Variants in ANKS1B observed in about 807,000 individuals in gnomAD.
ANKS1B encodes the protein ankyrin repeat and sterile alpha motif domain-containing protein 1B.
ANKS1B carries 36 observed loss-of-function variants against 148.3 expected under a neutral mutation model. That is an observed-to-expected ratio of 0.24 (90% confidence interval 0.19 to 0.32). The LOEUF is 0.32. Ranked by LOEUF, ANKS1B falls within the 10% of genes least tolerant of loss-of-function variation. The pLI is 1.00. For synonymous variants in ANKS1B, 542 were observed against 560.8 expected (o/e 0.97, Z 0.47); for missense variants, 1,157 against 1,542.6 (o/e 0.75, Z 4.19).
chr12:98,901,494 A>C (rs368683127), intron 17 of ANKS1B, among the ~76,000 whole-genome samples: 2 of 152,238 alleles, frequency 1.3e-5, no homozygotes, highest in East Asian at 1.9e-4. Context: ...CAACCATGTG[A>C]GTAAGTTTCT....
At chr12:99,599,860 G>T (rs779235560) in intron 9 of ANKS1B, among the ~76,000 whole-genome samples, 4 of 150,816 alleles carry the variant, frequency 2.7e-5, no homozygotes, top group Non-Finnish European at 5.9e-5. Context: ...AAAGGATTTA[G>T]AACTTAAATG....
At chr12:99,225,268 C>G (rs2085723075) in intron 14 of ANKS1B, among the ~76,000 whole-genome samples, 1 of 151,990 alleles carries the variant, frequency 6.6e-6, no homozygotes, top group Non-Finnish European at 1.5e-5. Flanking sequence ...GTTTCTTTCT[C>G]TACACGCCTT....
At chr12:99,084,195 G>A (rs908925637) in intron 16 of ANKS1B, among the ~76,000 whole-genome samples, 10 of 152,176 alleles carry the variant, frequency 6.6e-5, no homozygotes, top group African/African-American at 2.4e-4. Flanking sequence ...GACCATGGAG[G>A]ATAAGTCTAT....
intron 1 of ANKS1B, among the ~76,000 whole-genome samples, chr12:99,852,389 T>G (rs2088042050): frequency 6.6e-6 from 1 of 152,220 alleles, no homozygotes; most frequent in African/African-American, 2.4e-5. Flanking sequence ...AGATACTATG[T>G]TAGAAGCTTT....
At chr12:98,891,430 G>A (rs761681125) in intron 17 of ANKS1B, among the ~76,000 whole-genome samples, 12 of 151,854 alleles carry the variant, frequency 7.9e-5, no homozygotes, top group Non-Finnish European at 1.3e-4. Context: ...ATCATCTCAT[G>A]ATTCCATGAA....
At chr12:98,956,900 A>T in intron 17 of ANKS1B, among the ~76,000 whole-genome samples, 1 of 152,114 alleles carries the variant, frequency 6.6e-6, no homozygotes, top group East Asian at 1.9e-4. Context: ...TCTCACTGCC[A>T]TGTCCTCCTT....
At chr12:98,907,005 CTGTGTGTGTGTGTGTGTGTG>C (rs59857138) in intron 17 of ANKS1B, among the ~76,000 whole-genome samples, 2 of 145,644 alleles carry the variant, frequency 1.4e-5, no homozygotes, top group African/African-American at 5.1e-5. Flanking sequence ...CATAGTTACT[CTGTGTGTGTGTGTGTGTGTG>C]TGTGTGTGTG....
At chr12:99,859,940 G>A (rs938782929) in intron 1 of ANKS1B, among the ~76,000 whole-genome samples, 4 of 152,120 alleles carry the variant, frequency 2.6e-5, no homozygotes, top group Admixed American at 1.3e-4. Flanking sequence ...GGGCCACCGC[G>A]CCCGGCCGAA....
intron 2 of ANKS1B, among the ~76,000 whole-genome samples, chr12:99,823,349 A>T (rs983113710): frequency 2.0e-5 from 3 of 152,198 alleles, no homozygotes; most frequent in Non-Finnish European, 4.4e-5. Context: ...ACAGTCACCC[A>T]GGCTGGAGTG....
At chr12:98,938,079 C>A (rs1288279307) in intron 17 of ANKS1B, among the ~76,000 whole-genome samples, 1 of 152,150 alleles carries the variant, frequency 6.6e-6, no homozygotes, top group Non-Finnish European at 1.5e-5. Context: ...GGTGGGGACA[C>A]AGAGCCAAAC....
chr12:99,591,489 T>C (rs1336241562), intron 9 of ANKS1B, among the ~76,000 whole-genome samples: 1 of 152,078 alleles, frequency 6.6e-6, no homozygotes, highest in African/African-American at 2.4e-5. Context: ...GAAGCTTACT[T>C]TTATACTGCA....
intron 8 of ANKS1B, among the ~76,000 whole-genome samples, chr12:99,679,742 C>T (rs1463997957): frequency 6.6e-6 from 1 of 152,124 alleles, no homozygotes; most frequent in Non-Finnish European, 1.5e-5. Flanking sequence ...CACAATAGAC[C>T]AACCATTGTA....
At chr12:98,952,095 A>G (rs1180099566) in intron 17 of ANKS1B, among the ~76,000 whole-genome samples, 1 of 152,256 alleles carries the variant, frequency 6.6e-6, no homozygotes, top group Non-Finnish European at 1.5e-5. Flanking sequence ...AGAACTGCAT[A>G]TAAACTGCAT....
chr12:99,244,433 A>C lies in ANKS1B; in HGVS notation c.2347-19T>G. 6.8e-7 allele frequency: 1 copy of C among 1,474,228 alleles called. No homozygotes were observed. Among genetic ancestry groups the C allele is most frequent in the Non-Finnish European group, 9.4e-7 (1 of 1,068,282 alleles). The allele number at this position is 1,474,228 out of a possible 1,614,324, so 91.3% of individuals were successfully genotyped here. A position where few individuals can be genotyped will look rare whatever the true frequency, so the allele number is the denominator to read the frequency against. ...TGTCAATCTGTAAGAAACAAAAACCATTTAAATGGATTGTTACATTCACTT... is the reference window on the plus strand; with the variant it reads ...TGTCAATCTGTAAGAAACAAAAACCCTTTAAATGGATTGTTACATTCACTT... On this transcript the variant is annotated intron_variant, in intron 13 of 26. Coordinates refer to ENST00000683438, the MANE Select transcript of ANKS1B (RefSeq NM_001352186.2).
At chr12:99,246,150 C>T in intron 13 of ANKS1B, 125 bp downstream of exon 13, 1 of 684,358 alleles carries the variant, frequency 1.5e-6, no homozygotes, top group Non-Finnish European at 2.3e-6. Context: ...CATTTCATTC[C>T]AGTTGGAGCC....
At chr12:99,458,299 T>A (rs1017182104) in intron 10 of ANKS1B, among the ~76,000 whole-genome samples, 8 of 151,916 alleles carry the variant, frequency 5.3e-5, no homozygotes, top group African/African-American at 1.7e-4. Flanking sequence ...GTTCATAGCA[T>A]CAAATGTCTA....
chr12:99,651,490 C>T (rs996064245), intron 9 of ANKS1B, among the ~76,000 whole-genome samples: 2 of 152,230 alleles, frequency 1.3e-5, no homozygotes, highest in East Asian at 3.9e-4. Flanking sequence ...TCTTTATATT[C>T]AAGGACTGTC....
chr12:98,797,618 ACTGT>A (rs1410720107), intron 22 of ANKS1B, among the ~76,000 whole-genome samples: 1 of 152,202 alleles, frequency 6.6e-6, no homozygotes, highest in East Asian at 1.9e-4. Flanking sequence ...CAATTTAAGT[ACTGT>A]CTAACTCTGC....
chr12:99,807,929 A>T (rs2067848106), intron 3 of ANKS1B, among the ~76,000 whole-genome samples: 1 of 152,190 alleles, frequency 6.6e-6, no homozygotes, highest in Non-Finnish European at 1.5e-5. Flanking sequence ...ACAATTCTCC[A>T]AAATTTATAT....
Sources: gnomAD v4.1 joint callset for allele counts (sites outside exome capture counted in the v4.1 genomes callset) on GRCh38, gnomAD v4.1.1 for gene constraint, MANE v1.5 for transcripts, NCBI Gene and HGNC (gene_info 2026-07-23, HGNC 2026-07-21) for gene names.